Variants in ECT2L observed in about 807,000 individuals in gnomAD.
The protein encoded by ECT2L is epithelial cell transforming 2 like.
ECT2L carries 126 observed loss-of-function variants against 122.8 expected under a neutral mutation model. The observed-to-expected ratio is 1.03, with a 90% CI of 0.89 to 1.19. The LOEUF (loss-of-function observed/expected upper bound fraction) is 1.19. Among genes scored for constraint, ECT2L ranks in the 50% most tolerant of loss-of-function variants. The pLI, the probability that ECT2L is intolerant of heterozygous loss-of-function variation, is 0.00. For synonymous variants in ECT2L, 385 were observed against 381.8 expected (o/e 1.01, Z -0.10); for missense variants, 1,012 against 1,064.1 (o/e 0.95, Z 0.68).
chr6:138,854,141 C>T lies in ECT2L; in HGVS notation c.1185C>T (p.Pro395=). The change falls in exon 10 of 22, where the codon CCC becomes CCT. Residue 395 remains proline, a synonymous_variant. Transcript: ENST00000541398. ...EEGGHVDFFV[P]LGASEAGIEV... ...GGGGTCACGTGGACTTCTTCGTGCC[C>T]CTTGGAGCATCAGGTTAGCTCAGAA... is the stretch of plus-strand genomic sequence containing the variant. 1 of 1,613,630 alleles carries T rather than the reference C, an allele frequency of 6.2e-7. No homozygotes were observed. Among genetic ancestry groups the T allele is most frequent in the East Asian group, 2.2e-5 (1 of 44,876 alleles).
At chr6:138,846,075 AT>A (rs60009559) in intron 7 of ECT2L, among the ~76,000 whole-genome samples, 37 of 147,838 alleles carry the variant, frequency 2.5e-4, no homozygotes, top group Middle Eastern at 3.5e-3. Context: ...TGTCACTTAA[AT>A]TTTTTTTTTT....
intron 20 of ECT2L, among the ~76,000 whole-genome samples, chr6:138,891,321 A>T (rs1779016881): frequency 2.6e-5 from 4 of 152,212 alleles, no homozygotes; most frequent in Admixed American, 2.6e-4. Flanking sequence ...CTTTTGGGGA[A>T]AATCTCCGTT....
intron 13 of ECT2L, among the ~76,000 whole-genome samples, chr6:138,868,996 G>A (rs374761949): frequency 5.9e-5 from 9 of 152,146 alleles, no homozygotes; most frequent in South Asian, 4.2e-4. Context: ...GTGAAACCCC[G>A]TCTCTACTAA....
At chr6:138,887,198 G>A (rs976772096) in intron 19 of ECT2L, among the ~76,000 whole-genome samples, 1 of 151,226 alleles carries the variant, frequency 6.6e-6, no homozygotes, top group East Asian at 1.9e-4. Flanking sequence ...GAGGAAAGGG[G>A]CCATGTGTTC....
intron 18 of ECT2L, 116 bp from the exon 19 acceptor site, chr6:138,886,741 T>C (rs924584655): frequency 2.0e-5 from 15 of 762,732 alleles, no homozygotes; most frequent in Non-Finnish European, 3.3e-5. Flanking sequence ...CTTTCTATTA[T>C]AACATATGAA....
rs900747438 is a variant in ECT2L, at chr6:138,812,930, C to A, written c.-151C>A. 7 of 195,056 alleles carry A rather than the reference C, an allele frequency of 3.6e-5. No individual in the cohort carries two copies. Among genetic ancestry groups the A allele is most frequent in the Admixed American group, 6.0e-5 (1 of 16,674 alleles). The allele number at this position is 195,056 out of a possible 1,614,324, so 12.1% of individuals were successfully genotyped here. A position where few individuals can be genotyped will look rare whatever the true frequency, so the allele number is the denominator to read the frequency against. On this transcript the variant is annotated 5_prime_UTR_variant, in exon 2 of 22. Transcript: ENST00000541398. ...TTCTTAATGCTTCCCATTTTCCCAGCAAAGTAAAAAACAACTTTTGTTTAA... is the reference window on the plus strand; with the variant it reads ...TTCTTAATGCTTCCCATTTTCCCAGAAAAGTAAAAAACAACTTTTGTTTAA...
At chr6:138,873,816 A>C (rs1011292479) in intron 13 of ECT2L, among the ~76,000 whole-genome samples, 1 of 151,744 alleles carries the variant, frequency 6.6e-6, no homozygotes, top group African/African-American at 2.4e-5. Context: ...CAAAACAAAA[A>C]AAACAAACCC....
At position 138,808,753 on chromosome 6, in the gene ECT2L, G is replaced by T. The variant is rs192218366; in HGVS notation, c.-243-4085G>T. 5.6e-3 allele frequency among the ~76,000 whole-genome samples: 757 copies of T among 136,178 alleles called. 6 individuals are homozygous for T. The highest frequency in any genetic ancestry group is 0.043 in the Middle Eastern group (10 of 230). The allele number at this position is 136,178 out of a possible 152,430, so 89.3% of individuals were successfully genotyped here. A position where few individuals can be genotyped will look rare whatever the true frequency, so the allele number is the denominator to read the frequency against. On this transcript the variant is annotated intron_variant, in intron 1 of 21. Transcript: ENST00000541398. Reference sequence around the variant, plus strand: ...TCTTTTTTTTTTTTTTTGAGACAGTGTCTCACCTTGTCACTCAGGCTGGAG... The same window carrying T: ...TCTTTTTTTTTTTTTTTGAGACAGTTTCTCACCTTGTCACTCAGGCTGGAG...
chr6:138,813,790 A>G (rs967249420), intron 3 of ECT2L, among the ~76,000 whole-genome samples: 4 of 152,282 alleles, frequency 2.6e-5, no homozygotes, highest in South Asian at 2.1e-4. Flanking sequence ...TTAATGGCCT[A>G]TGGTGGCTCT....
At chr6:138,866,147 T>C (rs1306127962) in intron 12 of ECT2L, among the ~76,000 whole-genome samples, 2 of 133,696 alleles carry the variant, frequency 1.5e-5, no homozygotes, top group African/African-American at 5.6e-5. Flanking sequence ...GTATTTTTCA[T>C]AGTTTTTTTT....
intron 16 of ECT2L, among the ~76,000 whole-genome samples, chr6:138,884,741 C>G (rs1175926090): frequency 6.6e-6 from 1 of 151,908 alleles, no homozygotes; most frequent in Non-Finnish European, 1.5e-5. Context: ...AGGTGAATAC[C>G]ATTAATAGTC....
At chr6:138,828,483 C>T (rs1314525500) in intron 4 of ECT2L, among the ~76,000 whole-genome samples, 1 of 152,062 alleles carries the variant, frequency 6.6e-6, no homozygotes, top group Non-Finnish European at 1.5e-5. Context: ...TGATTTTTTT[C>T]ATAAGAATAC....
chr6:138,806,547 C>G (rs1039444599), intron 1 of ECT2L, among the ~76,000 whole-genome samples: 10 of 118,874 alleles, frequency 8.4e-5, no homozygotes, highest in Non-Finnish European at 1.5e-4. Flanking sequence ...GAGTCACGCT[C>G]TGTCCCCCAG....
At chr6:138,898,783 A>T (rs1025977264) in intron 20 of ECT2L, among the ~76,000 whole-genome samples, 1 of 152,012 alleles carries the variant, frequency 6.6e-6, no homozygotes, top group Non-Finnish European at 1.5e-5. Context: ...TATACACAGC[A>T]GTCCCCCCTT....
Position 138,886,839 on chromosome 6 carries a change from G to A in ECT2L, c.2260-18G>A. Reference sequence around the variant, plus strand: ...TGTCACAATTTTAGTTTGCCTAAAAGTACTTTTTTTCCCCTAGATGAAGCA... The same window carrying A: ...TGTCACAATTTTAGTTTGCCTAAAAATACTTTTTTTCCCCTAGATGAAGCA... On this transcript the variant is annotated intron_variant, in intron 18 of 21. Transcript: ENST00000541398. 1 of 1,602,580 alleles carries A rather than the reference G, an allele frequency of 6.2e-7. No individual in the cohort carries two copies. The highest frequency in any genetic ancestry group is 8.5e-7 in the Non-Finnish European group (1 of 1,170,842).
At chr6:138,872,733 A>G (rs1183852695) in intron 13 of ECT2L, among the ~76,000 whole-genome samples, 1 of 152,138 alleles carries the variant, frequency 6.6e-6, no homozygotes, top group East Asian at 1.9e-4. Flanking sequence ...AAATTCTTCC[A>G]AAGTCCTTTC....
Position 138,854,174 on chromosome 6 carries a change from TAG to T in ECT2L, c.1198+26_1198+27del. On this transcript the variant is annotated intron_variant, in intron 10 of 21. Transcript: ENST00000541398. ...CATCAGGTTAGCTCAGAACACCTTA[TAG>T]AGAGACAGTGGCCATGCCACTTCAT... is the stretch of plus-strand genomic sequence containing the variant. 1.3e-6 allele frequency: 2 copies of T among 1,591,342 alleles called. No homozygotes were observed.
At chr6:138,819,309 T>TG (rs1015345016) in intron 4 of ECT2L, among the ~76,000 whole-genome samples, 9 of 151,644 alleles carry the variant, frequency 5.9e-5, no homozygotes, top group African/African-American at 1.9e-4. Context: ...CTCTTTTTTT[T>TG]TGTGTGGATG....
chr6:138,852,980 T>C (rs1252747447), intron 9 of ECT2L, among the ~76,000 whole-genome samples: 2 of 152,176 alleles, frequency 1.3e-5, no homozygotes, highest in African/African-American at 4.8e-5. Context: ...TTTTTTGTTT[T>C]TGTTTGAGAT....
Sources: allele counts gnomAD v4.1 joint callset (sites outside exome capture counted in the v4.1 genomes callset), GRCh38; gene constraint gnomAD v4.1.1; transcripts MANE v1.5; gene names NCBI Gene and HGNC (gene_info 2026-07-23, HGNC 2026-07-21).